The following ASXL2 variants were observed in gnomAD, a reference collection of about 807,000 sequenced individuals.
The protein encoded by ASXL2 is ASXL transcriptional regulator 2.
Under a neutral mutation model 122.0 loss-of-function variants are expected in ASXL2, and 23 were observed. The observed-to-expected ratio is 0.19, with a 90% CI of 0.14 to 0.27. The LOEUF is 0.27. ASXL2 is among the 10% of genes least tolerant of loss of function. The pLI is 1.00. For synonymous variants in ASXL2, 650 were observed against 637.0 expected (o/e 1.02, Z -0.31); for missense variants, 1,518 against 1,713.8 (o/e 0.89, Z 2.02).
In ASXL2 at chr2:25,768,823, G is replaced by A. The variant is rs2088397716; in HGVS notation, c.550C>T (p.Pro184Ser). 3 of 1,613,630 alleles carry A rather than the reference G, an allele frequency of 1.9e-6. No individual in the cohort carries two copies. The highest frequency in any genetic ancestry group is 1.6e-4 in the Middle Eastern group (1 of 6,082). The stretch of plus-strand genomic sequence containing the variant: ...TGGTTGGAGGAGATGGATATGCTTG[G>A]CCTGCATTGCTGCTGCTGCTTCTTC... Reference protein sequence around the residue: ...QQKKQQQQCRPSISISSNQHL... With the variant: ...QQKKQQQQCRSSISISSNQHL... The change falls in exon 7 of 13, where the codon CCA (proline) becomes TCA (serine). Residue 184 changes from proline (P) to serine (S), a missense_variant. Pro to Ser is a moderately conservative substitution (Grantham distance 74). Transcript: ENST00000435504.
At chr2:25,855,659 C>G (rs1041392554) in intron 1 of ASXL2, among the ~76,000 whole-genome samples, 3 of 151,644 alleles carry the variant, frequency 2.0e-5, no homozygotes, top group Admixed American at 1.3e-4. Context: ...GAGTGAGACT[C>G]TTGTCTCAAA....
chr2:25,856,635 T>G, intron 1 of ASXL2: 1 of 1,248,030 alleles, frequency 8.0e-7, no homozygotes, highest in Non-Finnish European at 1.2e-6. Context: ...AATGAAAATG[T>G]CCTCAGTCTC....
At position 25,742,792 on chromosome 2, in the gene ASXL2, T is replaced by C. The variant is rs1476986897; in HGVS notation, c.3545A>G (p.Asp1182Gly). 3.1e-6 allele frequency: 5 copies of C among 1,614,032 alleles called. No homozygotes were observed. The highest frequency in any genetic ancestry group is 4.2e-6 in the Non-Finnish European group (5 of 1,179,904). ...CTGCTCATCACCAGTACTTTCCTCA[T>C]CAGTGTCATCTTCTTTGCTGCTGCT... ...ESSSSKEDDT[D>G]EESTGDEQES... The change falls in exon 13 of 13, where the codon GAT (aspartate) becomes GGT (glycine). Residue 1182 changes from aspartate (D) to glycine (G), a missense_variant. Asp to Gly is a moderately conservative substitution (Grantham distance 94). This residue lies in a region of ASXL2 where 831 missense variants were observed against 833.1 expected (regional missense o/e 1.00). Coordinates refer to ENST00000435504, the MANE Select transcript of ASXL2 (RefSeq NM_018263.6).
chr2:25,849,064 C>CATATATAT (rs139200567), intron 1 of ASXL2, among the ~76,000 whole-genome samples: 1,173 of 86,406 alleles, frequency 0.014, 135 homozygotes, highest in East Asian at 0.046. Flanking sequence ...AAAAAATTTA[C>CATATATAT]ATATATATAT....
chr2:25,859,178 T>C (rs1430949195), intron 1 of ASXL2, among the ~76,000 whole-genome samples: 1 of 70,686 alleles, frequency 1.4e-5, no homozygotes, highest in East Asian at 2.3e-4. Context: ...TAGGCTCAAG[T>C]TGATTCTCCT....
At chr2:25,827,085 G>C (rs1437654002) in intron 3 of ASXL2, among the ~76,000 whole-genome samples, 2 of 145,404 alleles carry the variant, frequency 1.4e-5, no homozygotes, top group African/African-American at 5.1e-5. Flanking sequence ...CGATCCTCCC[G>C]CTTCACCACC....
Position 25,872,635 on chromosome 2 carries a change from T to C in ASXL2, c.57+5531A>G, listed in dbSNP as rs973217934. Among the ~76,000 whole-genome samples the C allele has an allele frequency of 7.2e-5, 11 of 152,268 alleles. No individual in the cohort carries two copies. In the East Asian group the frequency reaches 1.2e-3, roughly 16 times the overall value. ...GTAATACAAATATACAAAGTAAGCATTGATAAGGGAGAAATAACTATAGAG... is the reference window on the plus strand; with the variant it reads ...GTAATACAAATATACAAAGTAAGCACTGATAAGGGAGAAATAACTATAGAG... On this transcript the variant is annotated intron_variant, in intron 1 of 12. Coordinates refer to ENST00000435504, the MANE Select transcript of ASXL2 (RefSeq NM_018263.6).
chr2:25,746,138 C>A (rs1385284729), intron 12 of ASXL2, among the ~76,000 whole-genome samples: 1 of 151,992 alleles, frequency 6.6e-6, no homozygotes, highest in Non-Finnish European at 1.5e-5. Flanking sequence ...AAAAAATTAA[C>A]CCACTAAACC....
intron 1 of ASXL2, among the ~76,000 whole-genome samples, chr2:25,860,578 G>A (rs567522124): frequency 2.5e-4 from 38 of 152,032 alleles, no homozygotes; most frequent in African/African-American, 8.9e-4. Context: ...GGGCGTGGTG[G>A]CACATGCCTG....
chr2:25,743,573 C>G lies in ASXL2; in HGVS notation c.2764G>C (p.Ala922Pro). 1 of 1,613,998 alleles carries G rather than the reference C, an allele frequency of 6.2e-7. No homozygotes were observed. Among genetic ancestry groups the G allele is most frequent in the Non-Finnish European group, 8.5e-7 (1 of 1,179,886 alleles). Residue 922 changes from alanine to proline, a missense_variant, in exon 13 of 13, where the codon GCA becomes CCA. Ala to Pro is a conservative substitution (Grantham distance 27). Coordinates refer to ENST00000435504, the MANE Select transcript of ASXL2 (RefSeq NM_018263.6). The stretch of plus-strand genomic sequence containing the variant: ...CCTGGGGTTTTAAGGCTAGAAGCTG[C>G]TGGCAAAGTGCTCGAGGGTGGAGCT... ...GSAPPSSTLP[A>P]ASSLKTPGTS...
At position 25,779,234 on chromosome 2, in the gene ASXL2, T is replaced by C. The variant is rs567346251; in HGVS notation, c.404-7694A>G. ...GTCTCAGCCTCCCGAGTATCTGGGA[T>C]TACAGGCGCCCACCACCATGCCTAC... On this transcript the variant is annotated intron_variant, in intron 5 of 12. Coordinates refer to ENST00000435504, the MANE Select transcript of ASXL2 (RefSeq NM_018263.6). Among the ~76,000 whole-genome samples the C allele has an allele frequency of 2.0e-5, 3 of 151,760 alleles. No homozygotes were observed. The East Asian group carries it at 5.8e-4, about 29-fold the overall frequency.
chr2:25,820,111 T>C (rs890255604), intron 3 of ASXL2, among the ~76,000 whole-genome samples: 7 of 152,138 alleles, frequency 4.6e-5, no homozygotes, highest in African/African-American at 1.7e-4. Flanking sequence ...AGAGACGGGC[T>C]CGCTTTGTTG....
chr2:25,810,392 T>C, intron 3 of ASXL2: 1 of 676,746 alleles, frequency 1.5e-6, no homozygotes, highest in Non-Finnish European at 2.7e-6. Flanking sequence ...TTCATATCTC[T>C]CTCACTCTGA....
chr2:25,814,579 G>A (rs2089211449), intron 3 of ASXL2, among the ~76,000 whole-genome samples: 1 of 152,172 alleles, frequency 6.6e-6, no homozygotes, highest in Non-Finnish European at 1.5e-5. Flanking sequence ...GAAGAGGTAG[G>A]GGTTCTGTCA....
intron 2 of ASXL2, among the ~76,000 whole-genome samples, chr2:25,838,639 G>T (rs2089540954): frequency 1.3e-5 from 2 of 152,154 alleles, no homozygotes; most frequent in African/African-American, 4.8e-5. Flanking sequence ...CACAAGTCGG[G>T]AGAAACTTAA....
chr2:25,878,421 C>T lies in ASXL2; in HGVS notation c.-199G>A. 1 of 600,272 alleles carries T rather than the reference C, an allele frequency of 1.7e-6. No homozygotes were observed. Among genetic ancestry groups the T allele is most frequent in the South Asian group, 2.0e-5 (1 of 50,488 alleles). The allele number at this position is 600,272 out of a possible 1,614,324, so 37.2% of individuals were successfully genotyped here. A position where few individuals can be genotyped will look rare whatever the true frequency, so the allele number is the denominator to read the frequency against. ...TATGGGGCGGCCGGTCCTCTTGCTG[C>T]CGTTGCCACTGCTACCGCCGCTGCC... On this transcript the variant is annotated 5_prime_UTR_variant, in exon 1 of 13. Transcript: ENST00000435504.
chr2:25,809,046 C>T (rs1028986443), intron 3 of ASXL2, among the ~76,000 whole-genome samples: 3 of 152,184 alleles, frequency 2.0e-5, no homozygotes, highest in African/African-American at 7.2e-5. Flanking sequence ...CAAGATTTCT[C>T]TGATACAAAG....
intron 5 of ASXL2, among the ~76,000 whole-genome samples, chr2:25,778,789 C>A (rs550142244): frequency 1.3e-5 from 2 of 152,242 alleles, no homozygotes; most frequent in South Asian, 2.1e-4. Flanking sequence ...TTGTCCCAGG[C>A]AAATCTTACA....
At chr2:25,803,418 T>C (rs962370983) in intron 4 of ASXL2, among the ~76,000 whole-genome samples, 3 of 152,180 alleles carry the variant, frequency 2.0e-5, no homozygotes, top group Non-Finnish European at 2.9e-5. Context: ...CAGTCAGAAG[T>C]ACAGGTCACA....
Sources: gnomAD v4.1 joint callset for allele counts (sites outside exome capture counted in the v4.1 genomes callset) on GRCh38, gnomAD v4.1.1 for gene constraint, gnomAD v4.1.1 regional missense constraint, MANE v1.5 for transcripts, NCBI Gene and HGNC (gene_info 2026-07-23, HGNC 2026-07-21) for gene names.